The following GRIA3 variants were observed in gnomAD, a reference collection of about 807,000 sequenced individuals.
GRIA3 encodes the protein glutamate receptor 3.
Under a neutral mutation model 63.0 loss-of-function variants are expected in GRIA3, and 3 were observed. That is an observed-to-expected ratio of 0.05 (90% confidence interval 0.02 to 0.12). The LOEUF is 0.12. GRIA3 is among the 10% of genes least tolerant of loss of function. The pLI is 1.00. For synonymous variants in GRIA3, 274 were observed against 257.9 expected (o/e 1.06, Z -0.60); for missense variants, 347 against 700.9 (o/e 0.50, Z 5.70).
chrX:123,228,432 G>C (rs1035687857), intron 2 of GRIA3, among the ~76,000 whole-genome samples: 2 of 111,504 alleles, frequency 1.8e-5, no homozygotes, highest in Non-Finnish European at 3.8e-5. Flanking sequence ...GCCAGGCTGG[G>C]GGTAAGCTCA....
At chrX:123,245,094 C>T (rs894200987) in intron 2 of GRIA3, among the ~76,000 whole-genome samples, 3 of 111,870 alleles carry the variant, frequency 2.7e-5, no homozygotes, top group Non-Finnish European at 5.6e-5. Flanking sequence ...GATACACGTA[C>T]CTTAGAGGCA....
chrX:123,482,926 G>T lies in GRIA3; in HGVS notation c.2567G>T (p.Arg856Leu). ...FCYKSRAESK[R>L]MKLTKNTQNF... ...TACAAATCACGGGCAGAGTCCAAAC[G>T]CATGAAACTCACAAAGAACACCCAA... is the stretch of plus-strand genomic sequence containing the variant. The change falls in exon 15 of 16, where the codon CGC becomes CTC. Residue 856 changes from arginine to leucine, a missense_variant. Transcript: ENST00000620443. 1 of 1,210,296 alleles carries T rather than the reference G, an allele frequency of 8.3e-7. No homozygotes were observed. Among genetic ancestry groups the T allele is most frequent in the Non-Finnish European group, 1.1e-6 (1 of 894,791 alleles).
At chrX:123,308,878 T>C (rs2044771559) in intron 3 of GRIA3, among the ~76,000 whole-genome samples, 1 of 112,162 alleles carries the variant, frequency 8.9e-6, no homozygotes, top group Admixed American at 9.4e-5. Flanking sequence ...AGAAAAACAA[T>C]CTTCTATCCA....
intron 5 of GRIA3, among the ~76,000 whole-genome samples, chrX:123,371,850 T>C (rs754362587): frequency 7.8e-4 from 87 of 111,695 alleles, no homozygotes; most frequent in Non-Finnish European, 1.4e-3. Flanking sequence ...GTTGGTTGTT[T>C]CCTTTGCTGT....
intron 5 of GRIA3, among the ~76,000 whole-genome samples, chrX:123,367,166 G>T (rs1278157906): frequency 8.9e-6 from 1 of 111,964 alleles, no homozygotes; most frequent in East Asian, 2.8e-4. Context: ...TGCTGAAGCA[G>T]TCTATGATTC....
intron 2 of GRIA3, among the ~76,000 whole-genome samples, chrX:123,234,486 C>T (rs1438239963): frequency 2.7e-5 from 3 of 112,039 alleles, no homozygotes; most frequent in Non-Finnish European, 5.6e-5. Flanking sequence ...GAGGCAATAA[C>T]TATCTTCAGG....
chrX:123,315,754 C>G (rs2044826842), intron 3 of GRIA3, among the ~76,000 whole-genome samples: 1 of 112,182 alleles, frequency 8.9e-6, no homozygotes, highest in African/African-American at 3.2e-5. Context: ...CATTGCTTTA[C>G]TTGGCCACAA....
rs1298313682 is a variant in GRIA3 at position 123,185,875 on chromosome X, C to T, written c.153C>T (p.Phe51=). The stretch of plus-strand genomic sequence containing the variant: ...ACACAGTGCAGGAGCACAGCGCTTT[C>T]CGCTTTGCCGTGCAGTTATACAACA... ...MRNTVQEHSA[F]RFAVQLYNTN... Residue 51 remains phenylalanine (F), a synonymous_variant, in exon 2 of 16, where the codon TTC becomes TTT. Transcript: ENST00000620443. 5 of 1,208,124 alleles carry T rather than the reference C, an allele frequency of 4.1e-6. No homozygotes were observed. Among genetic ancestry groups the T allele is most frequent in the Non-Finnish European group, 5.6e-6 (5 of 892,290 alleles).
At chrX:123,200,877 A>G (rs761741483) in intron 2 of GRIA3, among the ~76,000 whole-genome samples, 1 of 111,629 alleles carries the variant, frequency 9.0e-6, no homozygotes, top group African/African-American at 3.3e-5. Context: ...TTTAAAGCAC[A>G]TGTTATATAA....
At chrX:123,231,752 T>C (rs1343453787) in intron 2 of GRIA3, among the ~76,000 whole-genome samples, 1 of 110,132 alleles carries the variant, frequency 9.1e-6, no homozygotes, top group African/African-American at 3.3e-5. Context: ...TATGGAAAGG[T>C]GCTTGCAGTC....
intron 5 of GRIA3, among the ~76,000 whole-genome samples, chrX:123,377,020 C>T (rs914470478): frequency 8.5e-5 from 9 of 105,769 alleles, no homozygotes; most frequent in Non-Finnish European, 1.6e-4. Flanking sequence ...CTGGAAGCTC[C>T]GCCTCCCGGG....
chrX:123,281,893 G>A (rs1044004348), intron 3 of GRIA3, among the ~76,000 whole-genome samples: 2 of 112,146 alleles, frequency 1.8e-5, no homozygotes, highest in East Asian at 5.6e-4. Context: ...AGGTTGGATA[G>A]GAATAAGGAC....
Position 123,241,464 on chromosome X carries a change from GGTTTT to G in GRIA3, c.269-11828_269-11824del, listed in dbSNP as rs557414728. Among the ~76,000 whole-genome samples the G allele has an allele frequency of 1.7e-4, 19 of 110,963 alleles. No individual in the cohort carries two copies. In the South Asian group the frequency reaches 4.6e-3, roughly 27 times the overall value. Reference sequence around the variant, plus strand: ...TGGTGAGCTGTTTGTTTGTTGTTGTGGTTTTGTTTTGTTTTATTTTGTTTTGTTTT... The same window carrying G: ...TGGTGAGCTGTTTGTTTGTTGTTGTGGTTTTGTTTTATTTTGTTTTGTTTT... On this transcript the variant is annotated intron_variant, in intron 2 of 15. Coordinates refer to ENST00000620443, the MANE Select transcript of GRIA3 (RefSeq NM_007325.5).
intron 2 of GRIA3, among the ~76,000 whole-genome samples, chrX:123,246,122 C>T (rs1470162890): frequency 9.0e-6 from 1 of 111,642 alleles, no homozygotes; most frequent in Non-Finnish European, 1.9e-5. Context: ...TAATTCATTT[C>T]CAACCTTTTG....
intron 12 of GRIA3, among the ~76,000 whole-genome samples, chrX:123,442,122 C>T (rs766432541): frequency 1.8e-5 from 2 of 112,224 alleles, no homozygotes; most frequent in Non-Finnish European, 1.9e-5. Flanking sequence ...GACACTTTCA[C>T]GAAGGACACT....
chrX:123,248,279 G>C (rs1268544954), intron 2 of GRIA3, among the ~76,000 whole-genome samples: 1 of 112,259 alleles, frequency 8.9e-6, no homozygotes, highest in African/African-American at 3.2e-5. Flanking sequence ...TTTAGAACCT[G>C]CCTATGTAAT....
chrX:123,394,954 C>T lies in GRIA3; in HGVS notation c.751-14C>T, dbSNP rs1486591180. ...CAACTTCCCACAATCATGATCCTTT[C>T]AATGTCTTTCCAGGGTTTTACTGAT... is the stretch of plus-strand genomic sequence containing the variant. On this transcript the variant is annotated splice_polypyrimidine_tract_variant and intron_variant, in intron 5 of 15. Transcript: ENST00000620443. The T allele has an allele frequency of 8.7e-7, 1 of 1,148,625 alleles. No homozygotes were observed. Among genetic ancestry groups the T allele is most frequent in the Admixed American group, 2.2e-5 (1 of 45,948 alleles). 94.7% of individuals were successfully genotyped at this position (1,148,625 alleles called of 1,213,427 possible).
intron 11 of GRIA3, among the ~76,000 whole-genome samples, chrX:123,423,791 T>G (rs1284405479): frequency 8.9e-6 from 1 of 112,185 alleles, no homozygotes; most frequent in Non-Finnish European, 1.9e-5. Flanking sequence ...ATTATAAAAT[T>G]TACTTACAAG....
At chrX:123,331,646 T>C (rs2044942601) in intron 4 of GRIA3, among the ~76,000 whole-genome samples, 1 of 111,942 alleles carries the variant, frequency 8.9e-6, no homozygotes, top group African/African-American at 3.2e-5. Flanking sequence ...CTCTCAATGT[T>C]CCATGTAGAA....
Sources: allele counts gnomAD v4.1 joint callset (sites outside exome capture counted in the v4.1 genomes callset), GRCh38; gene constraint gnomAD v4.1.1; transcripts MANE v1.5; gene names NCBI Gene and HGNC (gene_info 2026-07-23, HGNC 2026-07-21).